Variants in FBXL5 observed in about 807,000 individuals in gnomAD.
The protein encoded by FBXL5 is F-box/LRR-repeat protein 5.
A neutral mutation model predicts 78.3 loss-of-function variants in FBXL5; 26 were observed. The ratio of observed to expected loss-of-function variants is 0.33; its 90% CI spans 0.24 to 0.46. The LOEUF (loss-of-function observed/expected upper bound fraction) is 0.46. Ranked by LOEUF, FBXL5 falls within the 20% of genes least tolerant of loss-of-function variation. FBXL5 has a pLI of 1.00. For synonymous variants in FBXL5, 295 were observed against 282.5 expected (o/e 1.04, Z -0.45); for missense variants, 710 against 829.2 (o/e 0.86, Z 1.77).
chr4:15,626,505 T>C (rs1713078782), intron 8 of FBXL5, among the ~76,000 whole-genome samples: 1 of 152,230 alleles, frequency 6.6e-6, no homozygotes, highest in African/African-American at 2.4e-5. Flanking sequence ...TTGAAGAAAG[T>C]TACACTATAC....
chr4:15,635,768 A>AG (rs1448236755), intron 5 of FBXL5, among the ~76,000 whole-genome samples: 2 of 151,772 alleles, frequency 1.3e-5, no homozygotes, highest in Non-Finnish European at 2.9e-5. Flanking sequence ...AAAGAAAAAA[A>AG]AAAAAAAAAA....
intron 9 of FBXL5, among the ~76,000 whole-genome samples, chr4:15,614,816 T>C (rs966379394): frequency 2.0e-5 from 3 of 152,142 alleles, no homozygotes; most frequent in Non-Finnish European, 2.9e-5. Context: ...TTTGGCGGCA[T>C]TTGAGGAGCC....
chr4:15,624,733 C>G (rs1712847202), intron 9 of FBXL5, among the ~76,000 whole-genome samples: 1 of 151,560 alleles, frequency 6.6e-6, no homozygotes, highest in African/African-American at 2.4e-5. Context: ...GTAAGCTGAT[C>G]ATGATCAAAG....
intron 6 of FBXL5, among the ~76,000 whole-genome samples, chr4:15,628,896 A>T (rs1713349073): frequency 6.6e-6 from 1 of 152,030 alleles, no homozygotes; most frequent in African/African-American, 2.4e-5. Flanking sequence ...GGCCCTCACT[A>T]TCTAAATGTA....
chr4:15,621,776 C>A (rs2148561012), intron 9 of FBXL5, among the ~76,000 whole-genome samples: 1 of 152,318 alleles, frequency 6.6e-6, no homozygotes, highest in East Asian at 1.9e-4. Context: ...ATGGCCCTAT[C>A]TGTTCCCTAT....
chr4:15,644,317 A>T (rs537936373), intron 2 of FBXL5, among the ~76,000 whole-genome samples, 176 bp downstream of exon 2: 3 of 152,336 alleles, frequency 2.0e-5, no homozygotes, highest in Admixed American at 6.5e-5. Context: ...CCACTACTGC[A>T]AACTCCCCAC....
At chr4:15,679,783 T>C (rs1718140350) in intron 1 of FBXL5, among the ~76,000 whole-genome samples, 1 of 151,326 alleles carries the variant, frequency 6.6e-6, no homozygotes, top group Non-Finnish European at 1.5e-5. Context: ...AAAAAAGCAG[T>C]ATGTCTCATT....
chr4:15,625,349 TTAAGTCTTTTCCCC>T lies in FBXL5; in HGVS notation c.1739_1752del (p.Arg580AsnfsTer6). On this transcript the variant is annotated frameshift_variant, in exon 9 of 11. Coordinates refer to ENST00000341285, the MANE Select transcript of FBXL5 (RefSeq NM_012161.4). LOFTEE classifies it high-confidence loss of function. ...TCAGATTTTTCACTCCCAAAGTAAA[TTAAGTCTTTTCCCC>T]TAGGCAATCTAGTCCTTGCTGCTTT... 1 of 1,614,194 alleles carries T rather than the reference TTAAGTCTTTTCCCC, an allele frequency of 6.2e-7. No homozygotes were observed. The highest frequency in any genetic ancestry group is 8.5e-7 in the Non-Finnish European group (1 of 1,180,030).
chr4:15,671,235 T>G (rs116262865), intron 1 of FBXL5, among the ~76,000 whole-genome samples: 1 of 152,042 alleles, frequency 6.6e-6, no homozygotes, highest in Non-Finnish European at 1.5e-5. Flanking sequence ...GGGCATGTAA[T>G]TTTAGGTTGA....
intron 4 of FBXL5, 27 bp downstream of exon 4, chr4:15,638,481 A>T (rs751751928): frequency 4.6e-6 from 7 of 1,509,216 alleles, no homozygotes; most frequent in Non-Finnish European, 6.2e-6. Flanking sequence ...CAACTAATAA[A>T]TTGTTCTTTA....
chr4:15,642,027 T>TA (rs75937135), intron 2 of FBXL5, among the ~76,000 whole-genome samples: 178 of 142,600 alleles, frequency 1.2e-3, no homozygotes, highest in South Asian at 7.0e-3. Flanking sequence ...GACTCTGTCT[T>TA]AAAAAAAAAA....
At chr4:15,641,501 T>C (rs955098112) in intron 2 of FBXL5, 6 of 386,754 alleles carry the variant, frequency 1.6e-5, no homozygotes, top group Non-Finnish European at 3.0e-5. Context: ...ATGTTCTTAG[T>C]AACATTCTTT....
chr4:15,652,721 T>A (rs1716254674), intron 1 of FBXL5, among the ~76,000 whole-genome samples: 1 of 152,180 alleles, frequency 6.6e-6, no homozygotes, highest in Non-Finnish European at 1.5e-5. Context: ...AATGGATGCT[T>A]CTAAAATACA....
chr4:15,666,724 C>T (rs1274911518), intron 1 of FBXL5, among the ~76,000 whole-genome samples: 1 of 151,834 alleles, frequency 6.6e-6, no homozygotes, highest in African/African-American at 2.4e-5. Flanking sequence ...TCCATCTACT[C>T]GGGAGGCTGA....
intron 9 of FBXL5, among the ~76,000 whole-genome samples, chr4:15,619,171 A>C (rs1712223683): frequency 1.3e-5 from 2 of 152,086 alleles, no homozygotes; most frequent in African/African-American, 4.8e-5. Flanking sequence ...TCAAAAAAAA[A>C]CCTCTTCCCA....
At chr4:15,661,172 G>A (rs1717293030), upstream of FBXL5, among the ~76,000 whole-genome samples, 1 of 152,098 alleles carries the variant, frequency 6.6e-6, no homozygotes, top group South Asian at 2.1e-4. Flanking sequence ...TCCCTAAAAT[G>A]TCTCTACCAA....
In FBXL5 at chr4:15,651,205, A is replaced by C. The variant is rs549097161; in HGVS notation, c.84+3999T>G. Among the ~76,000 whole-genome samples the C allele has an allele frequency of 2.6e-5, 4 of 152,332 alleles. No individual in the cohort carries two copies. In the East Asian group the frequency reaches 7.7e-4, roughly 29 times the overall value. On this transcript the variant is annotated intron_variant, in intron 1 of 10. Coordinates refer to ENST00000341285, the MANE Select transcript of FBXL5 (RefSeq NM_012161.4). ...GCTGATCAAATTTACAGATGGAAAA[A>C]ATGATGACCCACAGGTAAACTGTTT...
At position 15,640,845 on chromosome 4, in the gene FBXL5, T is replaced by C; in HGVS notation, c.339A>G (p.Lys113=). ...CTCTTGTAAAAGCCTCCAATCTCTC[T>C]TTCAGTTGTTTTGCATAATTTAACT... ...YEQLNYAKQL[K]ERLEAFTRDF... Residue 113 remains lysine, a synonymous_variant, in exon 3 of 11, where the codon AAA becomes AAG. Transcript: ENST00000341285. 1 of 1,561,478 alleles carries C rather than the reference T, an allele frequency of 6.4e-7. No individual in the cohort carries two copies. The highest frequency in any genetic ancestry group is 8.6e-7 in the Non-Finnish European group (1 of 1,156,844).
intron 6 of FBXL5, among the ~76,000 whole-genome samples, chr4:15,629,428 C>T (rs1191940701): frequency 2.0e-5 from 3 of 152,096 alleles, no homozygotes; most frequent in Non-Finnish European, 4.4e-5. Flanking sequence ...CTTAACTAAT[C>T]GCTCAATTTA....
Sources: gnomAD v4.1 joint callset for allele counts (sites outside exome capture counted in the v4.1 genomes callset) on GRCh38, gnomAD v4.1.1 for gene constraint, MANE v1.5 for transcripts, NCBI Gene and HGNC (gene_info 2026-07-23, HGNC 2026-07-21) for gene names.